Variants in LUZP2 observed in about 807,000 individuals in gnomAD.
LUZP2 encodes the protein leucine zipper protein 2.
In LUZP2, 52 loss-of-function variants were observed where a neutral mutation model predicts 51.6. The observed-to-expected ratio is 1.01, with a 90% CI of 0.81 to 1.27. The LOEUF is 1.27. LUZP2 is among the 50% of genes most tolerant of loss of function. The pLI, the probability that LUZP2 is intolerant of heterozygous loss-of-function variation, is 0.00. For missense variants in LUZP2, 436 were observed against 395.4 expected (o/e 1.10, Z -0.87); for synonymous variants, 154 against 137.3 (o/e 1.12, Z -0.85).
At chr11:24,797,188 C>T (rs1406562000) in intron 5 of LUZP2, among the ~76,000 whole-genome samples, 1 of 152,064 alleles carries the variant, frequency 6.6e-6, no homozygotes, top group Non-Finnish European at 1.5e-5. Context: ...AACTGTTAGC[C>T]CTTATCACTA....
intron 4 of LUZP2, among the ~76,000 whole-genome samples, chr11:24,747,884 G>T (rs1402688286): frequency 6.6e-6 from 1 of 151,992 alleles, no homozygotes; most frequent in African/African-American, 2.4e-5. Flanking sequence ...GCAATCTGAA[G>T]GGCTGGTCTC....
At chr11:24,842,595 A>G (rs924023867) in intron 5 of LUZP2, among the ~76,000 whole-genome samples, 3 of 152,030 alleles carry the variant, frequency 2.0e-5, no homozygotes, top group Admixed American at 2.0e-4. Context: ...GCCTGCTGAC[A>G]ATGTTCTCTG....
At chr11:24,952,527 T>G (rs1565151338) in intron 7 of LUZP2, among the ~76,000 whole-genome samples, 1 of 151,738 alleles carries the variant, frequency 6.6e-6, no homozygotes, top group African/African-American at 2.4e-5. Flanking sequence ...CAGTTTACAG[T>G]GCTAAGAGTC....
At chr11:24,765,650 C>G (rs1285384996) in intron 5 of LUZP2, among the ~76,000 whole-genome samples, 1 of 134,000 alleles carries the variant, frequency 7.5e-6, no homozygotes, top group Non-Finnish European at 1.6e-5. Flanking sequence ...TTTTTTGAGA[C>G]GGAGTCTCAC....
At chr11:24,997,409 A>C (rs2133936172) in intron 9 of LUZP2, among the ~76,000 whole-genome samples, 1 of 152,148 alleles carries the variant, frequency 6.6e-6, no homozygotes, top group South Asian at 2.1e-4. Context: ...TGGCTGCATA[A>C]ATGTCTTCTT....
intron 4 of LUZP2, among the ~76,000 whole-genome samples, chr11:24,750,106 C>A (rs1005744449): frequency 6.6e-6 from 1 of 151,958 alleles, no homozygotes; most frequent in Non-Finnish European, 1.5e-5. Flanking sequence ...TCTGACTTGT[C>A]AGAATACTCT....
chr11:24,886,609 G>T (rs909898862), intron 5 of LUZP2, among the ~76,000 whole-genome samples: 2 of 152,090 alleles, frequency 1.3e-5, no homozygotes, highest in African/African-American at 2.4e-5. Context: ...ATTTTAAAAT[G>T]CATTAGTCTG....
chr11:24,550,387 G>A (rs560652931), intron 1 of LUZP2, among the ~76,000 whole-genome samples: 13 of 152,124 alleles, frequency 8.5e-5, no homozygotes, highest in Admixed American at 6.6e-5. Flanking sequence ...ATAAAAGAAA[G>A]ACTTATTCTG....
chr11:24,624,019 A>C (rs767202247), intron 1 of LUZP2, among the ~76,000 whole-genome samples: 5 of 152,220 alleles, frequency 3.3e-5, no homozygotes, highest in Non-Finnish European at 7.3e-5. Context: ...TAGTGTGTTC[A>C]TAATCATGAC....
intron 1 of LUZP2, among the ~76,000 whole-genome samples, chr11:24,716,034 T>G (rs1262639443): frequency 2.0e-5 from 3 of 152,190 alleles, no homozygotes; most frequent in African/African-American, 7.2e-5. Flanking sequence ...TGAATAATTA[T>G]GAGAATTAAA....
chr11:24,963,832 A>G (rs946056513), intron 7 of LUZP2, among the ~76,000 whole-genome samples: 5 of 152,114 alleles, frequency 3.3e-5, no homozygotes, highest in African/African-American at 1.2e-4. Flanking sequence ...TCAGATGGAA[A>G]TGCAGAAATC....
chr11:24,698,679 C>T (rs950787040), intron 1 of LUZP2, among the ~76,000 whole-genome samples: 1 of 152,130 alleles, frequency 6.6e-6, no homozygotes, highest in African/African-American at 2.4e-5. Context: ...TCAATTAGGA[C>T]ACAAATAGAG....
chr11:25,009,973 C>A, intron 9 of LUZP2, among the ~76,000 whole-genome samples: 1 of 152,072 alleles, frequency 6.6e-6, no homozygotes, highest in East Asian at 1.9e-4. Context: ...TTTTAAATTT[C>A]TTCCTCAAAT....
At chr11:24,754,009 T>TATCAAAG (rs566002593) in intron 4 of LUZP2, among the ~76,000 whole-genome samples, 387 of 152,332 alleles carry the variant, frequency 2.5e-3, no homozygotes, top group South Asian at 6.4e-3. Flanking sequence ...TAGTGTTGTA[T>TATCAAAG]TTAGACTTTT....
At chr11:24,872,723 G>A (rs996933038) in intron 5 of LUZP2, among the ~76,000 whole-genome samples, 3 of 152,028 alleles carry the variant, frequency 2.0e-5, no homozygotes, top group Admixed American at 6.6e-5. Flanking sequence ...AGTGACATAT[G>A]ACTATATGGC....
intron 4 of LUZP2, among the ~76,000 whole-genome samples, chr11:24,759,583 C>T (rs1238779122): frequency 7.2e-5 from 11 of 151,886 alleles, no homozygotes; most frequent in Admixed American, 7.2e-4. Context: ...CGTGCAGTAT[C>T]CATATATGGG....
chr11:24,963,847 G>A (rs553781328), intron 7 of LUZP2, among the ~76,000 whole-genome samples: 37 of 152,212 alleles, frequency 2.4e-4, no homozygotes, highest in Non-Finnish European at 2.8e-4. Flanking sequence ...GAAATCACCC[G>A]TCTTCTGCGT....
chr11:25,012,200 C>T (rs896922966), intron 9 of LUZP2, among the ~76,000 whole-genome samples: 6 of 152,152 alleles, frequency 3.9e-5, no homozygotes, highest in South Asian at 2.1e-4. Context: ...CTCTCACTTA[C>T]GCAAAATATA....
rs1015098086 is a variant in LUZP2, at chr11:24,948,862, TCTATCTAC to T, written c.523-27723_523-27716del. On this transcript the variant is annotated intron_variant, in intron 7 of 11. Coordinates refer to ENST00000336930, the MANE Select transcript of LUZP2 (RefSeq NM_001009909.4). Reference sequence around the variant, plus strand: ...ATCTATCTATCTATCTATCTATCTATCTATCTACCTATCCATCTATCTAGATATACTTA... The same window carrying T: ...ATCTATCTATCTATCTATCTATCTATCTATCCATCTATCTAGATATACTTA... Among the ~76,000 whole-genome samples, 30 of 147,620 alleles carry T rather than the reference TCTATCTAC, an allele frequency of 2.0e-4. 1 individual carries two copies. Among genetic ancestry groups the T allele is most frequent in the African/African-American group, 5.5e-4 (21 of 38,462 alleles).
Sources: allele counts gnomAD v4.1 joint callset (sites outside exome capture counted in the v4.1 genomes callset), GRCh38; gene constraint gnomAD v4.1.1; transcripts MANE v1.5; gene names NCBI Gene and HGNC (gene_info 2026-07-23, HGNC 2026-07-21).